RPRD1B: variants seen among roughly 807,000 people sequenced by gnomAD.
RPRD1B encodes the protein regulation of nuclear pre-mRNA domain-containing protein 1B.
In RPRD1B, 11 loss-of-function variants were observed where a neutral mutation model predicts 41.5. The observed-to-expected ratio is 0.27, with a 90% CI of 0.17 to 0.44. RPRD1B has a LOEUF of 0.44. Among genes scored for constraint, RPRD1B ranks in the 20% least tolerant of loss-of-function variants. The pLI is 1.00. For missense variants in RPRD1B, 248 were observed against 389.9 expected (o/e 0.64, Z 3.06); for synonymous variants, 158 against 155.6 (o/e 1.02, Z -0.12).
Position 38,091,098 on chromosome 20 carries a change from A to T in RPRD1B, c.*1223A>T, listed in dbSNP as rs1165209642. The stretch of plus-strand genomic sequence containing the variant: ...TTTATCTTGCTTATAGTAAAGGTTC[A>T]GCCTGCCAATTGTAAATCATTCTAA... On this transcript the variant is annotated 3_prime_UTR_variant, in exon 7 of 7. Coordinates refer to ENST00000373433, the MANE Select transcript of RPRD1B (RefSeq NM_021215.4). 2 of 985,756 alleles carry T rather than the reference A, an allele frequency of 2.0e-6. No individual in the cohort carries two copies. The highest frequency in any genetic ancestry group is 3.5e-5 in the African/African-American group (2 of 57,238). The allele number at this position is 985,756 out of a possible 1,614,324, so 61.1% of individuals were successfully genotyped here.
At chr20:38,044,102 C>T (rs1254526441) in intron 2 of RPRD1B, among the ~76,000 whole-genome samples, 1 of 152,174 alleles carries the variant, frequency 6.6e-6, no homozygotes, top group Non-Finnish European at 1.5e-5. Flanking sequence ...TTCATTACAG[C>T]TAAAGGATCC....
At chr20:38,088,933 A>G (rs1195973219) in intron 6 of RPRD1B, among the ~76,000 whole-genome samples, 1 of 152,168 alleles carries the variant, frequency 6.6e-6, no homozygotes, top group African/African-American at 2.4e-5. Flanking sequence ...CTAGGAGAAG[A>G]GAGAGACCCC....
intron 5 of RPRD1B, among the ~76,000 whole-genome samples, chr20:38,065,697 T>C (rs1175533643): frequency 6.6e-6 from 1 of 152,226 alleles, no homozygotes; most frequent in African/African-American, 2.4e-5. Context: ...AACCCACAGA[T>C]ATAGGGGCCA....
chr20:38,048,980 C>T (rs1024923777), intron 3 of RPRD1B, among the ~76,000 whole-genome samples: 16 of 152,198 alleles, frequency 1.1e-4, no homozygotes, highest in African/African-American at 3.9e-4. Flanking sequence ...GACAGAGTCT[C>T]ACCCTGTCAT....
intron 6 of RPRD1B, among the ~76,000 whole-genome samples, chr20:38,067,377 A>G (rs1001098289): frequency 6.6e-6 from 1 of 152,200 alleles, no homozygotes; most frequent in African/African-American, 2.4e-5. Context: ...TTAGAGAGCC[A>G]GTCATGTTGT....
intron 1 of RPRD1B, among the ~76,000 whole-genome samples, chr20:38,038,875 A>G (rs1251541121): frequency 6.6e-6 from 1 of 152,242 alleles, no homozygotes; most frequent in African/African-American, 2.4e-5. Flanking sequence ...ATTTCAAAAG[A>G]AACAACTGGT....
intron 6 of RPRD1B, among the ~76,000 whole-genome samples, chr20:38,087,854 A>G (rs2074576063): frequency 6.6e-6 from 1 of 152,310 alleles, no homozygotes; most frequent in African/African-American, 2.4e-5. Context: ...ACCTGATGTT[A>G]TGTTTTAGAT....
rs138450699 is a variant in RPRD1B, at chr20:38,088,950, G to A, written c.832-776G>A. On this transcript the variant is annotated intron_variant, in intron 6 of 6. Transcript: ENST00000373433. ...AGGAGAAGAGAGAGACCCCCTCCAG[G>A]CTTGCGGGGAATCCTGAAAAAATGG... is the stretch of plus-strand genomic sequence containing the variant. 8.3e-3 allele frequency among the ~76,000 whole-genome samples: 1,270 copies of A among 152,280 alleles called. 10 individuals are homozygous for A. Among genetic ancestry groups the A allele is most frequent in the African/African-American group, 0.025 (1,041 of 41,556 alleles).
At chr20:38,069,299 T>G (rs1335692172) in intron 6 of RPRD1B, among the ~76,000 whole-genome samples, 1 of 152,160 alleles carries the variant, frequency 6.6e-6, no homozygotes, top group Admixed American at 6.5e-5. Context: ...CATATTCTGG[T>G]ATAAAAAACA....
At position 38,085,335 on chromosome 20, in the gene RPRD1B, G is replaced by GT. The variant is rs1473831420; in HGVS notation, c.832-4389dup. ...CAGTTCTAGGCAGGGGAGCGTGGGT[G>GT]TTGGATGAAAGGTTTAGTCCTGTGT... is the stretch of plus-strand genomic sequence containing the variant. On this transcript the variant is annotated intron_variant, in intron 6 of 6. Transcript: ENST00000373433. 9.2e-5 allele frequency: 14 copies of GT among 152,376 alleles called. No individual in the cohort carries two copies. The East Asian group carries it at 2.7e-3, about 29-fold the overall frequency. The allele number at this position is 152,376 out of a possible 1,614,324, so 9.4% of individuals were successfully genotyped here.
At chr20:38,064,998 A>G (rs552867102) in intron 5 of RPRD1B, among the ~76,000 whole-genome samples, 9 of 152,060 alleles carry the variant, frequency 5.9e-5, no homozygotes, top group South Asian at 4.2e-4. Flanking sequence ...AAAAAAAAAA[A>G]AGAGATAAAA....
At chr20:38,061,693 C>G (rs761113744) in intron 5 of RPRD1B, among the ~76,000 whole-genome samples, 6 of 152,232 alleles carry the variant, frequency 3.9e-5, no homozygotes, top group Non-Finnish European at 8.8e-5. Context: ...TGCTGTCTCT[C>G]TACTTCCCGT....
chr20:38,057,428 T>G (rs2074254666), intron 3 of RPRD1B, 104 bp from the exon 4 acceptor site: 1 of 727,630 alleles, frequency 1.4e-6, no homozygotes, highest in African/African-American at 1.7e-5. Context: ...TCTGAAAATG[T>G]GTGCCCCTTC....
intron 6 of RPRD1B, among the ~76,000 whole-genome samples, chr20:38,069,838 T>G (rs2074394283): frequency 6.6e-6 from 1 of 152,138 alleles, no homozygotes; most frequent in South Asian, 2.1e-4. Context: ...ATTGTGAGAG[T>G]TATCAAATCA....
intron 6 of RPRD1B, among the ~76,000 whole-genome samples, chr20:38,077,296 C>T (rs1019436159): frequency 2.0e-5 from 3 of 152,136 alleles, no homozygotes; most frequent in Admixed American, 6.5e-5. Flanking sequence ...CTCTAGATCT[C>T]TAGGTCAGAC....
chr20:38,085,601 G>T (rs772139738), intron 6 of RPRD1B: 1 of 152,258 alleles, frequency 6.6e-6, no homozygotes. Context: ...GAGGAGCCCC[G>T]TGGCAGCAGA....
rs1329484386 is a variant in RPRD1B, at chr20:38,092,074, A to G, written c.*2199A>G. 1.0e-6 allele frequency: 1 copy of G among 985,576 alleles called. No homozygotes were observed. The highest frequency in any genetic ancestry group is 1.7e-5 in the African/African-American group (1 of 57,184). 61.1% of individuals were successfully genotyped at this position (985,576 alleles called of 1,614,324 possible). ...AATTTAAATGAACTTTCCTCCTTGT[A>G]TGTATGAGGTGACTTGGTGGGTGGG... On this transcript the variant is annotated 3_prime_UTR_variant, in exon 7 of 7. Coordinates refer to ENST00000373433, the MANE Select transcript of RPRD1B (RefSeq NM_021215.4).
At chr20:38,052,752 GTTTTTTTTTTTT>G (rs146687415) in intron 3 of RPRD1B, among the ~76,000 whole-genome samples, 1 of 81,702 alleles carries the variant, frequency 1.2e-5, no homozygotes, top group African/African-American at 4.8e-5. Context: ...CAAACGCGGT[GTTTTTTTTTTTT>G]TTTTTTTTTT....
chr20:38,075,017 A>T (rs1331137706), intron 6 of RPRD1B, among the ~76,000 whole-genome samples: 1 of 152,192 alleles, frequency 6.6e-6, no homozygotes, highest in African/African-American at 2.4e-5. Context: ...CTGTGGTTGG[A>T]TAGTCAATGA....
Sources: gnomAD v4.1 joint callset for allele counts (sites outside exome capture counted in the v4.1 genomes callset) on GRCh38, gnomAD v4.1.1 for gene constraint, MANE v1.5 for transcripts, NCBI Gene and HGNC (gene_info 2026-07-23, HGNC 2026-07-21) for gene names.